Variants in KIF5B observed in about 807,000 individuals in gnomAD.
KIF5B encodes kinesin family member 5B.
Under a neutral mutation model 132.8 loss-of-function variants are expected in KIF5B, and 49 were observed. The ratio of observed to expected loss-of-function variants is 0.37; its 90% CI spans 0.29 to 0.47. The LOEUF is 0.47. Among genes scored for constraint, KIF5B ranks in the 20% least tolerant of loss-of-function variants. The pLI, the probability that KIF5B is intolerant of heterozygous loss-of-function variation, is 1.00. For synonymous variants in KIF5B, 355 were observed against 369.4 expected, an observed-to-expected ratio of 0.96 and a Z score of 0.45; for missense variants, 780 against 1,144.0, an observed-to-expected ratio of 0.68 and a Z score of 4.59.
intron 2 of KIF5B, among the ~76,000 whole-genome samples, chr10:32,045,229 A>G (rs1841594141): frequency 6.6e-6 from 1 of 152,154 alleles, no homozygotes; most frequent in African/African-American, 2.4e-5. Flanking sequence ...AGAAAGATAA[A>G]AGTCCAGGAT....
chr10:32,038,962 G>A, intron 4 of KIF5B, 136 bp from the exon 5 acceptor site: 1 of 631,976 alleles, frequency 1.6e-6, no homozygotes, highest in Non-Finnish European at 2.8e-6. Flanking sequence ...CATTCTAATG[G>A]GAAGACATAA....
chr10:32,049,227 TG>T (rs1382512256), intron 1 of KIF5B, among the ~76,000 whole-genome samples: 1 of 152,184 alleles, frequency 6.6e-6, no homozygotes, highest in Admixed American at 6.5e-5. Flanking sequence ...TCTGCTTTAG[TG>T]GAGCATAAAT....
At chr10:32,011,771 T>C (rs1841084092) in intron 25 of KIF5B, among the ~76,000 whole-genome samples, 1 of 152,166 alleles carries the variant, frequency 6.6e-6, no homozygotes, top group Non-Finnish European at 1.5e-5. Flanking sequence ...CCTTTGTTTT[T>C]ATTCTCCCAA....
At chr10:32,020,168 CCT>C (rs1291038779) in intron 19 of KIF5B, among the ~76,000 whole-genome samples, 1 of 152,114 alleles carries the variant, frequency 6.6e-6, no homozygotes, top group Non-Finnish European at 1.5e-5. Context: ...ATTCTGTTCT[CCT>C]CTGTCTTTCA....
chr10:32,042,333 C>T (rs758539028), intron 2 of KIF5B, among the ~76,000 whole-genome samples: 2 of 152,160 alleles, frequency 1.3e-5, no homozygotes, highest in Admixed American at 6.5e-5. Flanking sequence ...ACATTTGAAA[C>T]TTTCCTTCAA....
At chr10:32,054,687 AAGTT>A (rs1223943053) in intron 1 of KIF5B, among the ~76,000 whole-genome samples, 1 of 152,260 alleles carries the variant, frequency 6.6e-6, no homozygotes, top group African/African-American at 2.4e-5. Context: ...ACAATGTAGA[AAGTT>A]AGTTCTACTA....
intron 2 of KIF5B, among the ~76,000 whole-genome samples, chr10:32,045,969 T>C (rs892743109): frequency 2.6e-5 from 4 of 152,318 alleles, no homozygotes; most frequent in South Asian, 4.1e-4. Flanking sequence ...AAGCACTTTA[T>C]AAATGGTTTA....
chr10:32,016,386 G>A (rs1365592426), intron 24 of KIF5B, among the ~76,000 whole-genome samples: 1 of 151,926 alleles, frequency 6.6e-6, no homozygotes, highest in East Asian at 1.9e-4. Context: ...AACCCAGGAG[G>A]CAGAGGTTGC....
chr10:32,022,231 A>G lies in KIF5B; in HGVS notation c.1941T>C (p.Thr647=), dbSNP rs1270423234. 1 of 1,612,016 alleles carries G rather than the reference A, an allele frequency of 6.2e-7. No individual in the cohort carries two copies. The highest frequency in any genetic ancestry group is 8.5e-7 in the Non-Finnish European group (1 of 1,178,806). ...TTTGTTCCACATTTTGAAGGTATTCAGTCAATGACTTGATTTTGGCTTCAT... is the reference window on the plus strand; with the variant it reads ...TTTGTTCCACATTTTGAAGGTATTCGGTCAATGACTTGATTTTGGCTTCAT... ...SQHEAKIKSL[T]EYLQNVEQKK... The change falls in exon 17 of 26, where the codon ACT becomes ACC. Residue 647 remains threonine, a synonymous_variant. Transcript: ENST00000302418.
In KIF5B at chr10:32,039,312, C is replaced by T. The variant is rs761908672; in HGVS notation, c.393+15G>A. The stretch of plus-strand genomic sequence containing the variant: ...TGCTGTAAAATAAAATATAATCTTT[C>T]CTCAAGGAATTTACCTTAATATGAA... On this transcript the variant is annotated intron_variant, in intron 4 of 25. Transcript: ENST00000302418. 2.9e-5 allele frequency: 25 copies of T among 848,530 alleles called. 1 individual carries two copies. Among genetic ancestry groups the T allele is most frequent in the Admixed American group, 1.3e-4 (5 of 39,934 alleles). 52.6% of individuals were successfully genotyped at this position (848,530 alleles called of 1,614,324 possible).
intron 17 of KIF5B, 91 bp from the exon 18 acceptor site, chr10:32,021,378 T>C (rs993841070): frequency 1.1e-6 from 1 of 898,370 alleles, no homozygotes; most frequent in Non-Finnish European, 1.7e-6. Flanking sequence ...CAATAAGCAT[T>C]TTCCTTAGCA....
At chr10:32,020,107 C>G in intron 19 of KIF5B, 148 bp from the exon 20 acceptor site, 1 of 559,604 alleles carries the variant, frequency 1.8e-6, no homozygotes, top group Non-Finnish European at 3.1e-6. Flanking sequence ...GGAAAGGGAC[C>G]TGGCTACTTG....
In KIF5B at chr10:32,014,851, G is replaced by A. The variant is rs75120270; in HGVS notation, c.*20+658C>T. Among the ~76,000 whole-genome samples, 1,352 of 152,284 alleles carry A rather than the reference G, an allele frequency of 8.9e-3. 18 individuals carry two copies. Among genetic ancestry groups the A allele is most frequent in the Admixed American group, 0.029 (448 of 15,294 alleles). On this transcript the variant is annotated intron_variant, in intron 25 of 25. Coordinates refer to ENST00000302418, the MANE Select transcript of KIF5B (RefSeq NM_004521.3). ...CAAGGAGATGTTTCAGGTCGGGCGC[G>A]GTGGCTCACGCCTCTAATTCCAGCA...
rs929624370 is a variant in KIF5B, at chr10:32,017,024, T to G, written c.2761+119A>C. On this transcript the variant is annotated intron_variant, in intron 24 of 25. Coordinates refer to ENST00000302418, the MANE Select transcript of KIF5B (RefSeq NM_004521.3). ...CTCTTTCCCAACAGTGCCACTCTGC[T>G]AAGTTAGAAAATAGAGACAGATGCA... 5.1e-5 allele frequency: 42 copies of G among 823,464 alleles called. No homozygotes were observed. In the African/African-American group the frequency reaches 6.6e-4, roughly 13 times the overall value. The allele number at this position is 823,464 out of a possible 1,614,324, so 51.0% of individuals were successfully genotyped here.
intron 1 of KIF5B, among the ~76,000 whole-genome samples, chr10:32,051,638 T>TA (rs1841696530): frequency 6.6e-6 from 1 of 152,184 alleles, no homozygotes; most frequent in African/African-American, 2.4e-5. Context: ...AAGTTATTGT[T>TA]AAATAAAAAT....
chr10:32,017,096 G>C, intron 24 of KIF5B, 47 bp downstream of exon 24: 1 of 1,443,638 alleles, frequency 6.9e-7, no homozygotes, highest in South Asian at 1.1e-5. Context: ...CTAAATGAAA[G>C]CATTCAAATT....
At chr10:32,011,778 C>T (rs1841084302) in intron 25 of KIF5B, among the ~76,000 whole-genome samples, 1 of 151,736 alleles carries the variant, frequency 6.6e-6, no homozygotes, top group Admixed American at 6.6e-5. Context: ...TTTTATTCTC[C>T]CAAATAAAGC....
chr10:32,052,622 T>A (rs779170484), intron 1 of KIF5B, among the ~76,000 whole-genome samples: 3 of 152,228 alleles, frequency 2.0e-5, no homozygotes, highest in Non-Finnish European at 4.4e-5. Context: ...GCTCCTAATT[T>A]TTTCTACTGA....
At chr10:32,026,284 C>T (rs940175802) in intron 15 of KIF5B, among the ~76,000 whole-genome samples, 6 of 151,226 alleles carry the variant, frequency 4.0e-5, no homozygotes, top group African/African-American at 1.5e-4. Context: ...AATACAAAAA[C>T]AAAATTATCC....
Sources: gnomAD v4.1 joint callset for allele counts (sites outside exome capture counted in the v4.1 genomes callset) on GRCh38, gnomAD v4.1.1 for gene constraint, MANE v1.5 for transcripts, NCBI Gene and HGNC (gene_info 2026-07-23, HGNC 2026-07-21) for gene names.